MEGF11: variants seen among roughly 807,000 people sequenced by gnomAD.
The protein encoded by MEGF11 is multiple epidermal growth factor-like domains protein 11.
In MEGF11, 126 loss-of-function variants were observed where a neutral mutation model predicts 146.6. The observed-to-expected ratio is 0.86, with a 90% confidence interval of 0.74 to 1.00. The LOEUF is 1.00. MEGF11 is among the 50% of genes least tolerant of loss of function. The pLI is 0.00. For missense variants in MEGF11, 1,509 were observed against 1,521.2 expected (o/e 0.99, Z 0.13); for synonymous variants, 532 against 583.4 (o/e 0.91, Z 1.27).
intron 10 of MEGF11, among the ~76,000 whole-genome samples, 176 bp from the exon 11 acceptor site, chr15:65,931,119 A>C (rs1360417429): frequency 6.6e-6 from 1 of 152,168 alleles, no homozygotes; most frequent in South Asian, 2.1e-4. Context: ...ACGGACCTGG[A>C]GATGGAGAGA....
intron 1 of MEGF11, among the ~76,000 whole-genome samples, chr15:66,214,231 C>T (rs1243480718): frequency 2.6e-5 from 4 of 152,060 alleles, no homozygotes; most frequent in African/African-American, 9.7e-5. Flanking sequence ...GACAGGGTTT[C>T]ACCATGTTGG....
Position 65,936,495 on chromosome 15 carries a change from T to C in MEGF11, c.1288-5552A>G, listed in dbSNP as rs528283634. 2.6e-5 allele frequency among the ~76,000 whole-genome samples: 4 copies of C among 152,312 alleles called. No individual in the cohort carries two copies. The South Asian group carries it at 8.3e-4, about 32-fold the overall frequency. ...CTTGGCACTTTCCATATGCTTTCTC[T>C]TGTATGCCAGGCAATTCAGCAAATG... On this transcript the variant is annotated intron_variant, in intron 10 of 25. Coordinates refer to ENST00000395614, the MANE Select transcript of MEGF11 (RefSeq NM_001385028.1).
intron 5 of MEGF11, among the ~76,000 whole-genome samples, chr15:66,051,161 G>T (rs2084431288): frequency 6.6e-6 from 1 of 152,160 alleles, no homozygotes; most frequent in Non-Finnish European, 1.5e-5. Context: ...CACAAGTTAG[G>T]TATTATTATT....
chr15:66,096,473 G>A (rs1054116141), intron 4 of MEGF11, among the ~76,000 whole-genome samples: 1 of 152,232 alleles, frequency 6.6e-6, no homozygotes, highest in African/African-American at 2.4e-5. Flanking sequence ...GGTGGCTCCT[G>A]GAGCTAGAGG....
At chr15:66,113,967 A>G (rs1212446741) in intron 4 of MEGF11, among the ~76,000 whole-genome samples, 1 of 152,110 alleles carries the variant, frequency 6.6e-6, no homozygotes, top group East Asian at 1.9e-4. Context: ...CTTGTTAGAA[A>G]TGCAAATTCT....
At chr15:66,079,557 C>T (rs1159070864) in intron 5 of MEGF11, among the ~76,000 whole-genome samples, 8 of 150,972 alleles carry the variant, frequency 5.3e-5, no homozygotes, top group African/African-American at 1.2e-4. Flanking sequence ...CCAGCACCCC[C>T]GCCAAAACTC....
At position 65,915,459 on chromosome 15, in the gene MEGF11, G is replaced by A. The variant is rs200620940; in HGVS notation, c.2473+11C>T. 233 of 1,613,164 alleles carry A rather than the reference G, an allele frequency of 1.4e-4. No individual in the cohort carries two copies. Among genetic ancestry groups the A allele is most frequent in the African/African-American group, 1.4e-3 (107 of 75,010 alleles). On this transcript the variant is annotated intron_variant, in intron 19 of 25. Coordinates refer to ENST00000395614, the MANE Select transcript of MEGF11 (RefSeq NM_001385028.1). Reference sequence around the variant, plus strand: ...TCCACAGACCCCGGGGCTCTGCCACGTGTGTATTACCTTGGTCACACCTGA... The same window carrying A: ...TCCACAGACCCCGGGGCTCTGCCACATGTGTATTACCTTGGTCACACCTGA...
At chr15:65,949,336 G>A (rs1322741883) in intron 10 of MEGF11, among the ~76,000 whole-genome samples, 1 of 152,132 alleles carries the variant, frequency 6.6e-6, no homozygotes, top group East Asian at 1.9e-4. Flanking sequence ...CACCTTCCCT[G>A]GTCAGAACAG....
At chr15:66,230,801 C>A (rs1371427078) in intron 1 of MEGF11, among the ~76,000 whole-genome samples, 1 of 152,156 alleles carries the variant, frequency 6.6e-6, no homozygotes, top group African/African-American at 2.4e-5. Context: ...TTTAAAAACC[C>A]ACTCTAGTAT....
At chr15:66,115,521 T>C (rs554749210) in intron 4 of MEGF11, among the ~76,000 whole-genome samples, 1 of 152,324 alleles carries the variant, frequency 6.6e-6, no homozygotes, top group East Asian at 1.9e-4. Flanking sequence ...GACACCAGCC[T>C]CTTCAGATTT....
chr15:66,040,489 A>G (rs2083924133), intron 5 of MEGF11, among the ~76,000 whole-genome samples: 2 of 152,044 alleles, frequency 1.3e-5, no homozygotes, highest in African/African-American at 4.8e-5. Context: ...CAGATTGGGT[A>G]CACCGGGAAG....
intron 5 of MEGF11, among the ~76,000 whole-genome samples, chr15:65,988,647 G>A (rs333572): frequency 0.63 from 95,626 of 152,022 alleles, 30,984 homozygotes; most frequent in Non-Finnish European, 0.71. Flanking sequence ...TTTTGATGCC[G>A]TTATGGACTG....
chr15:65,922,489 G>C lies in MEGF11; in HGVS notation c.1823-17C>G, dbSNP rs1036930676. 1.3e-6 allele frequency: 2 copies of C among 1,546,234 alleles called. No individual in the cohort carries two copies. The highest frequency in any genetic ancestry group is 2.7e-5 in the African/African-American group (2 of 73,060). The stretch of plus-strand genomic sequence containing the variant: ...GGGGGCAGACTGAGGGTGAAGGGAA[G>C]ATGGTGGTCAGCAGCCCAAGAGACC... On this transcript the variant is annotated splice_polypyrimidine_tract_variant and intron_variant, in intron 14 of 25. Coordinates refer to ENST00000395614, the MANE Select transcript of MEGF11 (RefSeq NM_001385028.1).
At chr15:65,939,959 T>A (rs1567167276) in intron 10 of MEGF11, among the ~76,000 whole-genome samples, 1 of 152,244 alleles carries the variant, frequency 6.6e-6, no homozygotes, top group Non-Finnish European at 1.5e-5. Flanking sequence ...TTGTGTTCAG[T>A]ACACATGGGT....
intron 5 of MEGF11, among the ~76,000 whole-genome samples, chr15:66,076,203 AGGATGGATGGATGGAT>A (rs55758771): frequency 2.0e-4 from 30 of 148,798 alleles, no homozygotes; most frequent in South Asian, 4.4e-4. Flanking sequence ...ACTGACAGAC[AGGATGGATGGATGGAT>A]GGATGGATGG....
intron 1 of MEGF11, among the ~76,000 whole-genome samples, chr15:66,247,208 C>G (rs2092308067): frequency 6.6e-6 from 1 of 152,188 alleles, no homozygotes; most frequent in African/African-American, 2.4e-5. Context: ...AATGGTGGGT[C>G]TGCAAGTCAT....
intron 1 of MEGF11, among the ~76,000 whole-genome samples, chr15:66,187,231 T>C (rs1226077634): frequency 1.3e-5 from 2 of 152,240 alleles, no homozygotes; most frequent in Non-Finnish European, 2.9e-5. Flanking sequence ...CTCAAGAGAT[T>C]GGAATCTAGG....
intron 1 of MEGF11, among the ~76,000 whole-genome samples, chr15:66,243,301 G>A (rs978903390): frequency 3.9e-5 from 6 of 152,200 alleles, no homozygotes; most frequent in Admixed American, 6.5e-5. Context: ...GTCCCCTGGC[G>A]TTGAGGACTC....
intron 5 of MEGF11, among the ~76,000 whole-genome samples, chr15:66,023,446 G>A (rs547910737): frequency 6.6e-6 from 1 of 152,214 alleles, no homozygotes; most frequent in Non-Finnish European, 1.5e-5. Flanking sequence ...TGCAGACCCA[G>A]TGAAAAGGCA....
Sources: allele counts gnomAD v4.1 joint callset (sites outside exome capture counted in the v4.1 genomes callset), GRCh38; gene constraint gnomAD v4.1.1; transcripts MANE v1.5; gene names NCBI Gene and HGNC (gene_info 2026-07-23, HGNC 2026-07-21).